KNDC1: variants seen among roughly 807,000 people sequenced by gnomAD.
KNDC1 encodes kinase non-catalytic C-lobe domain-containing protein 1.
Under a neutral mutation model 172.8 loss-of-function variants are expected in KNDC1, and 106 were observed. That is an observed-to-expected ratio of 0.61 (90% CI 0.52 to 0.72). The LOEUF is 0.72. Among genes scored for constraint, KNDC1 ranks in the 30% least tolerant of loss-of-function variants. The pLI is 0.00. For missense variants in KNDC1, 2,325 were observed against 2,394.5 expected (o/e 0.97, Z 0.61); for synonymous variants, 1,083 against 1,062.2 (o/e 1.02, Z -0.38).
rs1400662373 is a variant in KNDC1 at position 133,212,860 on chromosome 10, C to T, written c.4381C>T (p.Pro1461Ser). The change falls in exon 24 of 30, where the codon CCC becomes TCC. Residue 1461 changes from proline to serine, a missense_variant. Pro to Ser is a moderately conservative substitution (Grantham distance 74). Coordinates refer to ENST00000304613, the MANE Select transcript of KNDC1 (RefSeq NM_152643.8). The stretch of plus-strand genomic sequence containing the variant: ...CTGCGCCAAGACCAGTGAGAAGGGG[C>T]CCTACTTCCTGACGGAGTACAGCAC... ...GPCAKTSEKG[P>S]YFLTEYSTHQ... The T allele has an allele frequency of 6.2e-7, 1 of 1,613,850 alleles. No homozygotes were observed. Among genetic ancestry groups the T allele is most frequent in the Non-Finnish European group, 8.5e-7 (1 of 1,179,964 alleles).
At chr10:133,191,393 T>C (rs1315372663) in intron 9 of KNDC1, among the ~76,000 whole-genome samples, 1 of 146,734 alleles carries the variant, frequency 6.8e-6, no homozygotes, top group Non-Finnish European at 1.5e-5. Flanking sequence ...CCAGACCCTG[T>C]CTCAAAAAAT....
rs9419026 is a variant in KNDC1, at chr10:133,209,368, T to C, written c.3795-1243T>C. Among the ~76,000 whole-genome samples, 127,253 of 150,044 alleles carry C rather than the reference T, an allele frequency of 0.85. 54,063 individuals carry two copies. The highest frequency in any genetic ancestry group is 0.89 in the Middle Eastern group (260 of 292). The stretch of plus-strand genomic sequence containing the variant: ...TGGGGTATAGTGTGTGCACATGTGG[T>C]GTGAGGTATAGTGTGGCATGTGTGC... On this transcript the variant is annotated intron_variant, in intron 20 of 29. Coordinates refer to ENST00000304613, the MANE Select transcript of KNDC1 (RefSeq NM_152643.8). This position sits in a 1 kb window ranked among gnomAD's most constrained non-coding sequence, Gnocchi z 4.9.
chr10:133,221,164 C>G (rs1430878658), intron 29 of KNDC1, among the ~76,000 whole-genome samples: 1 of 152,106 alleles, frequency 6.6e-6, no homozygotes, highest in African/African-American at 2.4e-5. Flanking sequence ...GCAACCTGTC[C>G]TGACCGCTGG....
rs1160144100 is a variant in KNDC1 at position 133,210,833 on chromosome 10, C to T, written c.3908+109C>T. The stretch of plus-strand genomic sequence containing the variant: ...AAGAACGAGGTGGTCCCTGGCGACC[C>T]AAGGGGGTGAGGGGCCAGGGAAGCC... On this transcript the variant is annotated intron_variant, in intron 21 of 29. Transcript: ENST00000304613. 26 of 927,274 alleles carry T rather than the reference C, an allele frequency of 2.8e-5. No individual in the cohort carries two copies. In the Admixed American group the frequency reaches 2.9e-4, roughly 10 times the overall value. 57.4% of individuals were successfully genotyped at this position (927,274 alleles called of 1,614,324 possible).
rs918953242 is a variant in KNDC1, at chr10:133,200,270, C to CGA, written c.2904-101_2904-100dup. Reference sequence around the variant, plus strand: ...AGGGGTGAGCTCCTGCCGCCTCCAGCGAGAGCTCCGCATAGACGTGTGGGC... The same window carrying CGA: ...AGGGGTGAGCTCCTGCCGCCTCCAGCGAGAGAGCTCCGCATAGACGTGTGGGC... On this transcript the variant is annotated intron_variant, in intron 15 of 29. Transcript: ENST00000304613. The CGA allele has an allele frequency of 1.2e-5, 10 of 808,070 alleles. No homozygotes were observed. In the Middle Eastern group the frequency reaches 9.7e-4, roughly 78 times the overall value. The allele number at this position is 808,070 out of a possible 1,614,324, so 50.1% of individuals were successfully genotyped here. A position where few individuals can be genotyped will look rare whatever the true frequency, so the allele number is the denominator to read the frequency against.
At position 133,198,620 on chromosome 10, in the gene KNDC1, C is replaced by T. The variant is rs1194960728; in HGVS notation, c.2112C>T (p.Gly704=). 1.2e-5 allele frequency: 19 copies of T among 1,601,768 alleles called. No homozygotes were observed. Among genetic ancestry groups the T allele is most frequent in the Admixed American group, 6.8e-5 (4 of 59,042 alleles). The change falls in exon 14 of 30, where the codon GGC becomes GGT. Residue 704 remains glycine, a synonymous_variant. Transcript: ENST00000304613. ...ALAQEESEER[G]GQREGEGEEK... ...CCCAGGAGGAGTCCGAGGAGAGGGG[C>T]GGCCAGAGGGAGGGAGAAGGTGAGG...
At position 133,200,451 on chromosome 10, in the gene KNDC1, C is replaced by A; in HGVS notation, c.2980C>A (p.His994Asn). The A allele has an allele frequency of 6.3e-7, 1 of 1,582,056 alleles. No homozygotes were observed. Among genetic ancestry groups the A allele is most frequent in the South Asian group, 1.2e-5 (1 of 86,560 alleles). Residue 994 changes from histidine to asparagine, a missense_variant, in exon 16 of 30, where the codon CAC becomes AAC. By Grantham distance (68) the His-to-Asn change is moderately conservative. Coordinates refer to ENST00000304613, the MANE Select transcript of KNDC1 (RefSeq NM_152643.8). ...RSPSSKRPSLHRLGKEKPAMA... is the reference protein window; with the variant it reads ...RSPSSKRPSLNRLGKEKPAMA... The stretch of plus-strand genomic sequence containing the variant: ...CCCGTCCAGCAAGAGGCCGTCGCTG[C>A]ACCGCCTGGGTAAGTGCTGGGCGGG...
At chr10:133,161,624 G>T (rs1852972419) in intron 1 of KNDC1, among the ~76,000 whole-genome samples, 1 of 152,178 alleles carries the variant, frequency 6.6e-6, no homozygotes, top group Middle Eastern at 3.2e-3. Flanking sequence ...GGCTGTGCGG[G>T]GGTTGGCGAT....
At chr10:133,202,083 C>T (rs780606411) in intron 17 of KNDC1, 185 bp downstream of exon 17, 6 of 741,530 alleles carry the variant, frequency 8.1e-6, no homozygotes, top group Admixed American at 4.0e-5. Context: ...CTGAGCTCCA[C>T]GTCTAGGGAC....
rs930869568 is a variant in KNDC1, at chr10:133,200,471, G to A, written c.2989+11G>A. On this transcript the variant is annotated intron_variant, in intron 16 of 29. Transcript: ENST00000304613. ...CGCTGCACCGCCTGGGTAAGTGCTG[G>A]GCGGGCCCCGCGGCAGGAGCTCTGC... The A allele has an allele frequency of 1.3e-6, 2 of 1,528,574 alleles. No homozygotes were observed. Among genetic ancestry groups the A allele is most frequent in the Admixed American group, 2.1e-5 (1 of 48,340 alleles). 94.7% of individuals were successfully genotyped at this position (1,528,574 alleles called of 1,614,324 possible). A position where few individuals can be genotyped will look rare whatever the true frequency, so the allele number is the denominator to read the frequency against.
intron 17 of KNDC1, among the ~76,000 whole-genome samples, chr10:133,206,082 C>G (rs932978438): frequency 3.3e-5 from 5 of 152,096 alleles, no homozygotes; most frequent in Non-Finnish European, 2.9e-5. Flanking sequence ...TGCCTGTAAT[C>G]CCAGCTACTC....
chr10:133,219,872 T>C (rs1017081854), intron 28 of KNDC1, 83 bp from the exon 29 acceptor site: 38 of 1,380,498 alleles, frequency 2.8e-5, no homozygotes, highest in South Asian at 2.9e-5. Flanking sequence ...CTGGGACTGG[T>C]TGGGCTGCGC....
chr10:133,183,570 C>A, intron 4 of KNDC1, 80 bp downstream of exon 4: 1 of 1,422,536 alleles, frequency 7.0e-7, no homozygotes. Context: ...ACCACACCCA[C>A]GCCCAGCAGC....
intron 7 of KNDC1, among the ~76,000 whole-genome samples, 169 bp from the exon 8 acceptor site, chr10:133,189,429 C>G (rs1034434699): frequency 2.6e-5 from 4 of 152,154 alleles, no homozygotes; most frequent in Non-Finnish European, 4.4e-5. Context: ...GCTCCGAGGA[C>G]CCCGGGGGCT....
Position 133,219,994 on chromosome 10 carries a change from C to T in KNDC1, c.4900C>T (p.Arg1634Trp). 2.6e-6 allele frequency: 4 copies of T among 1,553,202 alleles called. No homozygotes were observed. Among genetic ancestry groups the T allele is most frequent in the Non-Finnish European group, 2.6e-6 (3 of 1,148,140 alleles). ...KSDSLCLMEG[R>W]RFRAQPTLPS... ...CGACAGCCTGTGTCTGATGGAAGGG[C>T]GGCGCTTCCGGGCGCAGCCCACCCT... The change falls in exon 29 of 30, where the codon CGG becomes TGG. Residue 1634 changes from arginine (R) to tryptophan (W), a missense_variant. Coordinates refer to ENST00000304613, the MANE Select transcript of KNDC1 (RefSeq NM_152643.8).
At chr10:133,188,816 G>C (rs1185943316) in intron 7 of KNDC1, among the ~76,000 whole-genome samples, 163 bp downstream of exon 7, 3 of 149,136 alleles carry the variant, frequency 2.0e-5, no homozygotes, top group Admixed American at 1.3e-4. Context: ...GCCCCCACCT[G>C]AACCAAGGGA....
rs1854234978 is a variant in KNDC1 at position 133,197,725 on chromosome 10, T to C, written c.1863T>C (p.Val621=). The part of the protein sequence containing the change: ...TISLQNAFSV[V]ELKPSVAPAP... ...GCCTCCAAAACGCCTTCTCAGTGGTTGAACTGAAGCCCAGTGTGGCACCAG... is the reference window on the plus strand; with the variant it reads ...GCCTCCAAAACGCCTTCTCAGTGGTCGAACTGAAGCCCAGTGTGGCACCAG... The change falls in exon 12 of 30, where the codon GTT becomes GTC. Residue 621 remains valine (V), a synonymous_variant. Transcript: ENST00000304613. 1 of 1,613,264 alleles carries C rather than the reference T, an allele frequency of 6.2e-7. No homozygotes were observed. Among genetic ancestry groups the C allele is most frequent in the South Asian group, 1.1e-5 (1 of 91,082 alleles).
Position 133,186,172 on chromosome 10 carries a change from G to T in KNDC1, c.824G>T (p.Arg275Leu), listed in dbSNP as rs200461756. ...TPVRNGESHS[R>L]EGLAGLVLDA... ...GTGAGAAATGGCGAGAGCCACAGCC[G>T]GGAGGGGCTGGCCGGCCTCGTCCTG... The change falls in exon 6 of 30, where the codon CGG becomes CTG. Residue 275 changes from arginine to leucine, a missense_variant. Physicochemically the swap from Arg to Leu is moderately radical, Grantham distance 102 (BLOSUM62 -2). Coordinates refer to ENST00000304613, the MANE Select transcript of KNDC1 (RefSeq NM_152643.8). 6.3e-7 allele frequency: 1 copy of T among 1,578,368 alleles called. No homozygotes were observed. The highest frequency in any genetic ancestry group is 8.6e-7 in the Non-Finnish European group (1 of 1,161,942).
intron 3 of KNDC1, among the ~76,000 whole-genome samples, chr10:133,169,353 G>A (rs1267817109): frequency 1.3e-5 from 2 of 152,238 alleles, no homozygotes; most frequent in East Asian, 1.9e-4. Context: ...CCAGCTACTC[G>A]GGAGTCTGAG....
Sources: allele counts gnomAD v4.1 joint callset (sites outside exome capture counted in the v4.1 genomes callset), GRCh38; gene constraint gnomAD v4.1.1; non-coding constraint Gnocchi (gnomAD v3.1); transcripts MANE v1.5; gene names NCBI Gene and HGNC (gene_info 2026-07-23, HGNC 2026-07-21).